SCARB1: variants seen among roughly 807,000 people sequenced by gnomAD.
SCARB1 encodes scavenger receptor class B member 1.
Under a neutral mutation model 57.2 loss-of-function variants are expected in SCARB1, and 30 were observed. The observed-to-expected ratio is 0.52, with a 90% CI of 0.39 to 0.71. The LOEUF (loss-of-function observed/expected upper bound fraction) is 0.71, where lower values mean the gene tolerates loss of function less well. SCARB1 is among the 30% of genes least tolerant of loss of function. SCARB1 has a pLI of 0.00. For synonymous variants in SCARB1, 249 were observed against 268.3 expected, an observed-to-expected ratio of 0.93 and a Z score of 0.70; for missense variants, 543 against 671.2, an observed-to-expected ratio of 0.81 and a Z score of 2.11.
In SCARB1 at chr12:124,810,125, G is replaced by T; in HGVS notation, c.842+49C>A. ...TGCACAGCCAACACCACAGAATTTG[G>T]CCATGAGCTACCCAGGAAACCCAGG... On this transcript the variant is annotated intron_variant, in intron 6 of 12. Coordinates refer to ENST00000261693, the MANE Select transcript of SCARB1 (RefSeq NM_005505.5). The surrounding 1 kb of genome is among the most constrained non-coding windows in gnomAD (Gnocchi z 4.0). The T allele has an allele frequency of 1.6e-6, 2 of 1,242,536 alleles. No homozygotes were observed. The highest frequency in any genetic ancestry group is 1.2e-6 in the Non-Finnish European group (1 of 845,432). 77.0% of individuals were successfully genotyped at this position (1,242,536 alleles called of 1,614,324 possible). A position where few individuals can be genotyped will look rare whatever the true frequency, so the allele number is the denominator to read the frequency against.
intron 1 of SCARB1, among the ~76,000 whole-genome samples, chr12:124,820,078 G>A (rs1000118237): frequency 2.6e-5 from 4 of 152,190 alleles, no homozygotes; most frequent in Non-Finnish European, 1.5e-5. Flanking sequence ...ATTGTTTATT[G>A]ATAAACGTGT....
Position 124,817,078 on chromosome 12 carries a change from GTGTGTATGTATGTGTGTGTGTA to G in SCARB1, c.284+450_284+471del, listed in dbSNP as rs1474935944. 2.7e-5 allele frequency among the ~76,000 whole-genome samples: 4 copies of G among 148,386 alleles called. No individual in the cohort carries two copies. Among genetic ancestry groups the G allele is most frequent in the Non-Finnish European group, 5.9e-5 (4 of 67,892 alleles). On this transcript the variant is annotated intron_variant, in intron 2 of 12. Transcript: ENST00000261693. The surrounding 1 kb of genome is among the most constrained non-coding windows in gnomAD (Gnocchi z 4.8). ...TGTGTATGCATGTGTAGGTACATGT[GTGTGTATGTATGTGTGTGTGTA>G]TGTGTATGTACGTGTGTATGTATGT...
chr12:124,861,127 C>A (rs573160383), intron 1 of SCARB1, among the ~76,000 whole-genome samples: 1 of 151,982 alleles, frequency 6.6e-6, no homozygotes, highest in Admixed American at 6.6e-5. Flanking sequence ...TATATAAAGT[C>A]GTCCCTCAAT....
intron 1 of SCARB1, among the ~76,000 whole-genome samples, chr12:124,838,035 C>A (rs1387015548): frequency 6.6e-6 from 1 of 152,292 alleles, no homozygotes; most frequent in Non-Finnish European, 1.5e-5. Flanking sequence ...GCCACCTCGA[C>A]TTATTTCTGT....
At chr12:124,783,980 G>A (rs1321458141) in intron 11 of SCARB1, 4 of 152,144 alleles carry the variant, frequency 2.6e-5, no homozygotes, top group Non-Finnish European at 5.9e-5. Flanking sequence ...GCAGGGAAAG[G>A]GACCCTAGCC....
chr12:124,841,201 A>C (rs1594362451), intron 1 of SCARB1, among the ~76,000 whole-genome samples: 2 of 151,954 alleles, frequency 1.3e-5, no homozygotes, highest in South Asian at 2.1e-4. Context: ...GAAACCCCGT[A>C]TCTACTAAAA....
chr12:124,856,119 C>G (rs1480999249), intron 1 of SCARB1, among the ~76,000 whole-genome samples: 2 of 152,262 alleles, frequency 1.3e-5, no homozygotes, highest in Non-Finnish European at 2.9e-5. Flanking sequence ...ACCCCAGGTG[C>G]TGGGCCTGGC....
intron 8 of SCARB1, 118 bp from the exon 9 acceptor site, chr12:124,795,386 G>T: frequency 1.3e-6 from 1 of 782,388 alleles, no homozygotes; most frequent in Non-Finnish European, 2.2e-6. Flanking sequence ...GCCCAGTGGA[G>T]CTTGCTTGTA....
intron 1 of SCARB1, among the ~76,000 whole-genome samples, chr12:124,847,880 G>C (rs544715401): frequency 6.6e-6 from 1 of 152,322 alleles, no homozygotes; most frequent in South Asian, 2.1e-4. Flanking sequence ...GTGGGAGTCT[G>C]TGGGAAGACC....
At chr12:124,846,476 C>A (rs936213643) in intron 1 of SCARB1, among the ~76,000 whole-genome samples, 2 of 152,102 alleles carry the variant, frequency 1.3e-5, no homozygotes, top group Middle Eastern at 3.4e-3. Context: ...ACTGGCCGGG[C>A]GTGGTGGCTC....
chr12:124,778,905 C>G (rs547145295), intron 12 of SCARB1, among the ~76,000 whole-genome samples: 1 of 152,280 alleles, frequency 6.6e-6, no homozygotes, highest in South Asian at 2.1e-4. Flanking sequence ...ATGGAACAAC[C>G]GGGGCAAGCT....
intron 12 of SCARB1, among the ~76,000 whole-genome samples, chr12:124,781,268 G>A (rs900686226): frequency 6.6e-6 from 1 of 152,188 alleles, no homozygotes; most frequent in Non-Finnish European, 1.5e-5. Flanking sequence ...ATGAGTTAGA[G>A]ACAGCCAAGT....
chr12:124,812,074 G>A lies in SCARB1; in HGVS notation c.631-109C>T, dbSNP rs1950553854. 3 of 833,644 alleles carry A rather than the reference G, an allele frequency of 3.6e-6. No homozygotes were observed. The highest frequency in any genetic ancestry group is 6.0e-6 in the Non-Finnish European group (3 of 496,694). The allele number at this position is 833,644 out of a possible 1,614,324, so 51.6% of individuals were successfully genotyped here. The stretch of plus-strand genomic sequence containing the variant: ...CCTCCCCCTCCACCAGAAGGACAGG[G>A]CCCCCAGCATCTGGTTCACTGCCAA... On this transcript the variant is annotated intron_variant, in intron 4 of 12. Coordinates refer to ENST00000261693, the MANE Select transcript of SCARB1 (RefSeq NM_005505.5). This position sits in a 1 kb window ranked among gnomAD's most constrained non-coding sequence, Gnocchi z 4.3.
chr12:124,820,447 G>A (rs911551617), intron 1 of SCARB1, among the ~76,000 whole-genome samples: 16 of 152,012 alleles, frequency 1.1e-4, no homozygotes, highest in Admixed American at 6.5e-4. Flanking sequence ...CCTCGGTAAC[G>A]CCCTCCCCAC....
chr12:124,796,290 A>C lies in SCARB1; in HGVS notation c.1129-1022T>G, dbSNP rs929710547. ...ATTTTTGTAGAGACAGAGTTTCACT[A>C]TGTTGCCCAGGCTGGCGTCAAACTC... On this transcript the variant is annotated intron_variant, in intron 8 of 12. Coordinates refer to ENST00000261693, the MANE Select transcript of SCARB1 (RefSeq NM_005505.5). This position sits in a 1 kb window ranked among gnomAD's most constrained non-coding sequence, Gnocchi z 4.0. Among the ~76,000 whole-genome samples, 29 of 152,016 alleles carry C rather than the reference A, an allele frequency of 1.9e-4. No individual in the cohort carries two copies. The highest frequency in any genetic ancestry group is 2.9e-4 in the Non-Finnish European group (20 of 67,968).
rs765419810 is a variant in SCARB1, at chr12:124,814,380, T to G, written c.452A>C (p.Lys151Thr). ...CATGATGAGCTTCAGGGTCATGGGC[T>G]TATTCTCCATCATCACCGCCGCACC... ...VLGAAVMMEN[K>T]PMTLKLIMTL... Residue 151 changes from lysine to threonine, a missense_variant, in exon 4 of 13, where the codon AAG becomes ACG. Coordinates refer to ENST00000261693, the MANE Select transcript of SCARB1 (RefSeq NM_005505.5). The surrounding 1 kb of genome is among the most constrained non-coding windows in gnomAD (Gnocchi z 4.7). 10 of 1,613,740 alleles carry G rather than the reference T, an allele frequency of 6.2e-6. No homozygotes were observed. Among genetic ancestry groups the G allele is most frequent in the Non-Finnish European group, 8.5e-6 (10 of 1,180,026 alleles).
At chr12:124,805,109 CAAGACAAGAAGAGG>C (rs1312090354) in intron 7 of SCARB1, among the ~76,000 whole-genome samples, 3 of 113,718 alleles carry the variant, frequency 2.6e-5, no homozygotes, top group African/African-American at 1.6e-4. Context: ...CAATGAGCAC[CAAGACAAGAAGAGG>C]AAGACAAGAA....
At chr12:124,778,800 C>T (rs560752923) in intron 12 of SCARB1, among the ~76,000 whole-genome samples, 19 of 152,194 alleles carry the variant, frequency 1.2e-4, no homozygotes, top group African/African-American at 3.6e-4. Context: ...CTGGCCTCCC[C>T]GACCTCCTTT....
chr12:124,858,578 T>G (rs1408562049), intron 1 of SCARB1, among the ~76,000 whole-genome samples: 8 of 152,122 alleles, frequency 5.3e-5, no homozygotes, highest in Non-Finnish European at 1.0e-4. Context: ...CGTAATTTTT[T>G]TTTTAAGAGA....
Sources: allele counts gnomAD v4.1 joint callset (sites outside exome capture counted in the v4.1 genomes callset), GRCh38; gene constraint gnomAD v4.1.1; non-coding constraint Gnocchi (gnomAD v3.1); transcripts MANE v1.5; gene names NCBI Gene and HGNC (gene_info 2026-07-23, HGNC 2026-07-21).